TMEM163: variants seen among roughly 807,000 people sequenced by gnomAD.
TMEM163 encodes transmembrane protein 163.
TMEM163 carries 17 observed loss-of-function variants against 29.3 expected under a neutral mutation model. The ratio of observed to expected loss-of-function variants is 0.58; its 90% confidence interval spans 0.40 to 0.87. The LOEUF is 0.87. Ranked by LOEUF, TMEM163 falls within the 40% of genes least tolerant of loss-of-function variation. The probability of loss-of-function intolerance (pLI) is 0.00; values close to 1 mark genes in which losing one functional copy is unlikely to be tolerated. For missense variants in TMEM163, 303 were observed against 381.5 expected (o/e 0.79, Z 1.71); for synonymous variants, 157 against 160.6 (o/e 0.98, Z 0.17).
At chr2:134,599,336 G>A (rs547609803) in intron 2 of TMEM163, among the ~76,000 whole-genome samples, 19 of 152,286 alleles carry the variant, frequency 1.2e-4, no homozygotes, top group African/African-American at 4.6e-4. Flanking sequence ...AAATTCATAT[G>A]TGGAAATCCT....
At chr2:134,660,973 G>T (rs1683734862) in intron 2 of TMEM163, among the ~76,000 whole-genome samples, 1 of 152,230 alleles carries the variant, frequency 6.6e-6, no homozygotes, top group African/African-American at 2.4e-5. Context: ...GGGAGGTGGG[G>T]CCTTTATGAG....
intron 2 of TMEM163, among the ~76,000 whole-genome samples, chr2:134,562,423 A>G (rs1681202565): frequency 6.6e-6 from 1 of 152,234 alleles, no homozygotes; most frequent in Non-Finnish European, 1.5e-5. Flanking sequence ...GTCAATTCAG[A>G]CCAGAACCAA....
At chr2:134,572,186 T>C (rs897857714) in intron 2 of TMEM163, among the ~76,000 whole-genome samples, 1 of 152,132 alleles carries the variant, frequency 6.6e-6, no homozygotes, top group African/African-American at 2.4e-5. Flanking sequence ...ACAGCAAAGC[T>C]AGAACCAGCA....
chr2:134,656,621 G>T (rs973254095), intron 2 of TMEM163, among the ~76,000 whole-genome samples: 8 of 152,190 alleles, frequency 5.3e-5, no homozygotes, highest in Non-Finnish European at 8.8e-5. Context: ...CAAGGTCATC[G>T]AATGCTATGT....
chr2:134,513,967 G>A (rs550053161), intron 4 of TMEM163, among the ~76,000 whole-genome samples: 1 of 152,370 alleles, frequency 6.6e-6, no homozygotes, highest in Admixed American at 6.5e-5. Flanking sequence ...TCCTGTAGCA[G>A]GCGGGCTGTC....
At chr2:134,555,892 G>A (rs908160567) in intron 2 of TMEM163, among the ~76,000 whole-genome samples, 1 of 152,198 alleles carries the variant, frequency 6.6e-6, no homozygotes, top group Non-Finnish European at 1.5e-5. Context: ...TGTGATTTGG[G>A]TGGGATGACA....
chr2:134,655,838 G>T lies in TMEM163; in HGVS notation c.322+57362C>A, dbSNP rs1400494597. Among the ~76,000 whole-genome samples, 24 of 141,508 alleles carry T rather than the reference G, an allele frequency of 1.7e-4. 4 individuals carry two copies. Among genetic ancestry groups the T allele is most frequent in the African/African-American group, 7.1e-4 (24 of 34,022 alleles). 92.8% of individuals were successfully genotyped at this position (141,508 alleles called of 152,430 possible). On this transcript the variant is annotated intron_variant, in intron 2 of 7. Coordinates refer to ENST00000281924, the MANE Select transcript of TMEM163 (RefSeq NM_030923.5). ...GGTGTCAGTCTGCCCCTGCTGGGGG[G>T]TGCCTCCCAGTTAGGCTGCTCGGGG...
intron 4 of TMEM163, among the ~76,000 whole-genome samples, chr2:134,506,936 C>T (rs1679837593): frequency 6.6e-6 from 1 of 152,164 alleles, no homozygotes; most frequent in Admixed American, 6.5e-5. Flanking sequence ...AGAATATAGA[C>T]TCCTCCCTCC....
intron 6 of TMEM163, among the ~76,000 whole-genome samples, chr2:134,463,550 C>T (rs1178776881): frequency 6.6e-6 from 1 of 152,200 alleles, no homozygotes; most frequent in South Asian, 2.1e-4. Flanking sequence ...TACGATGTCT[C>T]AGTGGGTGAC....
At chr2:134,704,719 C>A (rs962024851) in intron 2 of TMEM163, among the ~76,000 whole-genome samples, 1 of 152,188 alleles carries the variant, frequency 6.6e-6, no homozygotes, top group African/African-American at 2.4e-5. Flanking sequence ...CCCCCACGCT[C>A]TTCCCCTCCT....
chr2:134,702,471 C>T (rs180724568), intron 2 of TMEM163, among the ~76,000 whole-genome samples: 29 of 152,098 alleles, frequency 1.9e-4, no homozygotes, highest in Admixed American at 1.3e-4. Flanking sequence ...AAGGTGAAAC[C>T]GTGTCTCTAC....
intron 4 of TMEM163, among the ~76,000 whole-genome samples, chr2:134,511,488 C>G (rs550612289): frequency 2.9e-4 from 44 of 152,334 alleles, no homozygotes; most frequent in African/African-American, 7.9e-4. Context: ...ACTCTGGCTG[C>G]TCTTTTGAGA....
intron 5 of TMEM163, among the ~76,000 whole-genome samples, chr2:134,487,116 C>G (rs1371056404): frequency 3.3e-5 from 5 of 151,988 alleles, no homozygotes; most frequent in African/African-American, 1.2e-4. Context: ...CCCTTACCAC[C>G]AACACTATAT....
At chr2:134,468,364 G>C (rs7606210) in intron 5 of TMEM163, 32,544 of 152,330 alleles carry the variant, frequency 0.21, 6,915 homozygotes, top group African/African-American at 0.53. Context: ...ACCAGGCACT[G>C]AATCTGCTGG....
intron 4 of TMEM163, among the ~76,000 whole-genome samples, chr2:134,510,285 ATAGC>A (rs1679918123): frequency 6.6e-6 from 1 of 152,206 alleles, no homozygotes; most frequent in African/African-American, 2.4e-5. Context: ...AAAGGATAGG[ATAGC>A]TAGTACACAG....
At chr2:134,611,766 C>CAG (rs1682508348) in intron 2 of TMEM163, among the ~76,000 whole-genome samples, 1 of 152,070 alleles carries the variant, frequency 6.6e-6, no homozygotes, top group Non-Finnish European at 1.5e-5. Flanking sequence ...CACGGCTGTC[C>CAG]AGAGAGAGAA....
At chr2:134,554,422 CAAAAAAAAAAAAAA>C (rs941286100) in intron 2 of TMEM163, among the ~76,000 whole-genome samples, 5 of 21,148 alleles carry the variant, frequency 2.4e-4, no homozygotes, top group South Asian at 1.6e-3. Flanking sequence ...GACCCCATCT[CAAAAAAAAAAAAAA>C]AAAAAAAAAA....
intron 2 of TMEM163, among the ~76,000 whole-genome samples, chr2:134,636,091 C>T (rs1383903056): frequency 2.0e-5 from 3 of 152,160 alleles, no homozygotes; most frequent in Non-Finnish European, 4.4e-5. Context: ...ATTGTCTCTG[C>T]AATCCAGTCA....
At chr2:134,688,664 T>C (rs924771567) in intron 2 of TMEM163, among the ~76,000 whole-genome samples, 3 of 152,184 alleles carry the variant, frequency 2.0e-5, no homozygotes, top group African/African-American at 7.2e-5. Flanking sequence ...CTCTACATAT[T>C]TCCTGCAACA....
Sources: gnomAD v4.1 joint callset for allele counts (sites outside exome capture counted in the v4.1 genomes callset) on GRCh38, gnomAD v4.1.1 for gene constraint, MANE v1.5 for transcripts, NCBI Gene and HGNC (gene_info 2026-07-23, HGNC 2026-07-21) for gene names.